The following SLC22A25 variants were observed in gnomAD, a reference collection of about 807,000 sequenced individuals.
SLC22A25 encodes the protein MGI:2442751, MGI:2385316, MGI:3042283, MGI:3645714, MGI:3605624, MGI:2442750.
In SLC22A25, 44 loss-of-function variants were observed where a neutral mutation model predicts 45.9. That is an observed-to-expected ratio of 0.96 (90% confidence interval 0.75 to 1.23). The LOEUF is 1.23. Among genes scored for constraint, SLC22A25 ranks in the 50% most tolerant of loss-of-function variants. The pLI is 0.00. For synonymous variants in SLC22A25, 283 were observed against 238.6 expected, an observed-to-expected ratio of 1.19 and a Z score of -1.72; for missense variants, 800 against 666.4, an observed-to-expected ratio of 1.20 and a Z score of -2.21.
In SLC22A25 at chr11:63,239,025, C is replaced by CTA. The variant is rs1201681199; in HGVS notation, c.-887_-886dup. 6.0e-6 allele frequency: 1 copy of CTA among 167,696 alleles called. No homozygotes were observed. Among genetic ancestry groups the CTA allele is most frequent in the Non-Finnish European group, 1.3e-5 (1 of 75,092 alleles). 10.4% of individuals were successfully genotyped at this position (167,696 alleles called of 1,614,324 possible). ...ATTCTCCATACAACACGAGGGCAAA[C>CTA]TATAAAGGTGGAGATGATAAGAAAA... On this transcript the variant is annotated 5_prime_UTR_variant, in exon 2 of 12. An upstream open reading frame in the 5' UTR loses its in-frame stop. Coordinates refer to ENST00000306494, the MANE Select transcript of SLC22A25 (RefSeq NM_199352.6).
In SLC22A25 at chr11:63,161,116, C is replaced by T. The variant is rs572683898; in HGVS notation, c.*2708G>A. 1.7e-4 allele frequency among the ~76,000 whole-genome samples: 26 copies of T among 152,204 alleles called. No individual in the cohort carries two copies. In the South Asian group the frequency reaches 2.5e-3, roughly 15 times the overall value. ...GAGGCCTCACAATCATGGTGGAAGA[C>T]GATTCCCATGTAGTCAGTGCCTTTT... On this transcript the variant is annotated 3_prime_UTR_variant, in exon 12 of 12. Transcript: ENST00000306494.
intron 7 of SLC22A25, among the ~76,000 whole-genome samples, chr11:63,185,167 A>G (rs2088479498): frequency 6.6e-6 from 1 of 152,150 alleles, no homozygotes; most frequent in South Asian, 2.1e-4. Context: ...TTTAAGGTTT[A>G]GGGTACATGT....
intron 7 of SLC22A25, among the ~76,000 whole-genome samples, chr11:63,215,084 AT>A (rs1306506486): frequency 6.6e-6 from 1 of 152,200 alleles, no homozygotes; most frequent in African/African-American, 2.4e-5. Context: ...ATTATTGGGT[AT>A]ATACCCAAAG....
intron 9 of SLC22A25, among the ~76,000 whole-genome samples, chr11:63,175,749 G>C (rs1301873543): frequency 6.6e-6 from 1 of 151,760 alleles, no homozygotes; most frequent in African/African-American, 2.4e-5. Context: ...GTTAAGTCTT[G>C]AATCCATTTT....
intron 2 of SLC22A25, among the ~76,000 whole-genome samples, 180 bp from the exon 3 acceptor site, chr11:63,238,192 A>G (rs1280616534): frequency 6.6e-6 from 1 of 152,118 alleles, no homozygotes; most frequent in Non-Finnish European, 1.5e-5. Context: ...AGCTTCAACA[A>G]CTTTCTCTAG....
rs577270930 is a variant in SLC22A25, at chr11:63,232,725, T to C, written c.-444-2629A>G. 4.1e-4 allele frequency among the ~76,000 whole-genome samples: 63 copies of C among 152,230 alleles called. 1 individual carries two copies. Among genetic ancestry groups the C allele is most frequent in the Admixed American group, 4.1e-3 (62 of 15,284 alleles). ...CTGTAGTGTGCCAGTTTTCAAAGGGTATGCTTCCAGTTTTTGCCCATTCAG... is the reference window on the plus strand; with the variant it reads ...CTGTAGTGTGCCAGTTTTCAAAGGGCATGCTTCCAGTTTTTGCCCATTCAG... On this transcript the variant is annotated intron_variant, in intron 3 of 11. Transcript: ENST00000306494.
At chr11:63,203,701 C>A (rs1335968536) in intron 7 of SLC22A25, among the ~76,000 whole-genome samples, 1 of 152,012 alleles carries the variant, frequency 6.6e-6, no homozygotes, top group Admixed American at 6.5e-5. Flanking sequence ...ATGAAAGTGA[C>A]GAGGAGAATG....
At chr11:63,234,842 A>C (rs1325724833) in intron 3 of SLC22A25, among the ~76,000 whole-genome samples, 1 of 152,168 alleles carries the variant, frequency 6.6e-6, no homozygotes, top group Admixed American at 6.5e-5. Context: ...GGTGGTGACA[A>C]ACTCTCTCAG....
At position 63,162,250 on chromosome 11, in the gene SLC22A25, T is replaced by C. The variant is rs1169542821; in HGVS notation, c.*1574A>G. Among the ~76,000 whole-genome samples, 1 of 152,218 alleles carries C rather than the reference T, an allele frequency of 6.6e-6. No individual in the cohort carries two copies. Among genetic ancestry groups the C allele is most frequent in the Admixed American group, 6.5e-5 (1 of 15,282 alleles). On this transcript the variant is annotated 3_prime_UTR_variant, in exon 12 of 12. Coordinates refer to ENST00000306494, the MANE Select transcript of SLC22A25 (RefSeq NM_199352.6). The stretch of plus-strand genomic sequence containing the variant: ...ACTTTGTTGAATGTATCCTTTGCTG[T>C]GCAGAAGTTTTTTAACTTGCTGTGA...
At chr11:63,210,713 T>C in intron 7 of SLC22A25, among the ~76,000 whole-genome samples, 1 of 152,174 alleles carries the variant, frequency 6.6e-6, no homozygotes, top group South Asian at 2.1e-4. Context: ...TGGTTGATAC[T>C]GGTGCTGATT....
At chr11:63,184,579 G>A (rs1233463300) in intron 7 of SLC22A25, among the ~76,000 whole-genome samples, 2 of 152,250 alleles carry the variant, frequency 1.3e-5, no homozygotes, top group East Asian at 1.9e-4. Flanking sequence ...TGTTCGTTTT[G>A]CCTTTATGTT....
At chr11:63,173,946 G>C (rs2087989058) in intron 9 of SLC22A25, among the ~76,000 whole-genome samples, 1 of 149,164 alleles carries the variant, frequency 6.7e-6, no homozygotes, top group Non-Finnish European at 1.5e-5. Context: ...TACATGTGCA[G>C]AACGTGCCTT....
At chr11:63,187,675 G>A (rs1459971581) in intron 7 of SLC22A25, among the ~76,000 whole-genome samples, 2 of 152,184 alleles carry the variant, frequency 1.3e-5, no homozygotes, top group Non-Finnish European at 1.5e-5. Flanking sequence ...GATATTGGCT[G>A]TGGGTTTGTC....
intron 7 of SLC22A25, among the ~76,000 whole-genome samples, chr11:63,199,989 G>A (rs1565096597): frequency 1.3e-5 from 2 of 151,980 alleles, no homozygotes; most frequent in African/African-American, 2.4e-5. Context: ...CATTCTTTGG[G>A]TTTGGACAAG....
At chr11:63,174,465 C>T (rs1217767300) in intron 9 of SLC22A25, among the ~76,000 whole-genome samples, 1 of 152,056 alleles carries the variant, frequency 6.6e-6, no homozygotes, top group Non-Finnish European at 1.5e-5. Flanking sequence ...TCCAAACCTT[C>T]CTAGTTATGG....
chr11:63,235,005 C>T (rs2090138507), intron 3 of SLC22A25, among the ~76,000 whole-genome samples: 1 of 152,196 alleles, frequency 6.6e-6, no homozygotes, highest in African/African-American at 2.4e-5. Context: ...GCTGAGAGAT[C>T]AGCTGTTAGT....
At chr11:63,221,813 C>G (rs2089859383) in intron 5 of SLC22A25, among the ~76,000 whole-genome samples, 1 of 151,742 alleles carries the variant, frequency 6.6e-6, no homozygotes, top group African/African-American at 2.4e-5. Flanking sequence ...TATATATGGC[C>G]AAAGATAGGG....
At chr11:63,165,339 C>T (rs2087643468) in intron 10 of SLC22A25, among the ~76,000 whole-genome samples, 1 of 152,176 alleles carries the variant, frequency 6.6e-6, no homozygotes, top group South Asian at 2.1e-4. Context: ...AACTGGAGCA[C>T]ACCAACCTGG....
chr11:63,234,188 T>C (rs1225098469), intron 3 of SLC22A25, among the ~76,000 whole-genome samples: 5 of 152,212 alleles, frequency 3.3e-5, no homozygotes, highest in Non-Finnish European at 7.3e-5. Context: ...TTCCTGGATA[T>C]CCTTGTTAAC....
Sources: gnomAD v4.1 joint callset for allele counts (sites outside exome capture counted in the v4.1 genomes callset) on GRCh38, gnomAD v4.1.1 for gene constraint, MANE v1.5 for transcripts, NCBI Gene and HGNC (gene_info 2026-07-23, HGNC 2026-07-21) for gene names.